The following EPB41 variants were observed in gnomAD, a reference collection of about 807,000 sequenced individuals.
EPB41 encodes the protein erythrocyte membrane protein band 4.1.
Under a neutral mutation model 108.0 loss-of-function variants are expected in EPB41, and 65 were observed. The observed-to-expected ratio is 0.60, with a 90% confidence interval of 0.49 to 0.74. The LOEUF is 0.74. Among genes scored for constraint, EPB41 ranks in the 30% least tolerant of loss-of-function variants. The pLI, the probability that EPB41 is intolerant of heterozygous loss-of-function variation, is 0.00. For synonymous variants in EPB41, 336 were observed against 358.9 expected, an observed-to-expected ratio of 0.94 and a Z score of 0.72; for missense variants, 875 against 1,037.0, an observed-to-expected ratio of 0.84 and a Z score of 2.15.
At chr1:28,954,182 T>C (rs2094853360) in intron 1 of EPB41, among the ~76,000 whole-genome samples, 2 of 152,228 alleles carry the variant, frequency 1.3e-5, no homozygotes, top group South Asian at 4.1e-4. Context: ...TCATTATTCA[T>C]TTCAAAATGT....
upstream of EPB41, chr1:28,911,244 CAT>C (rs1051572048): frequency 1.2e-5 from 10 of 867,050 alleles, no homozygotes; most frequent in African/African-American, 1.6e-4. Context: ...AAAAATTCCT[CAT>C]GTGTGGATAG....
At chr1:29,001,382 T>TAG (rs1156284432) in intron 4 of EPB41, among the ~76,000 whole-genome samples, 1 of 148,080 alleles carries the variant, frequency 6.8e-6, no homozygotes, top group African/African-American at 2.5e-5. Context: ...TGGATGGGTA[T>TAG]CACAGTCTGT....
Position 29,058,591 on chromosome 1 carries a change from G to A in EPB41, c.1848G>A (p.Val616=). ...AEPEPTEAWK[V]EKTHIEVTVP... is the part of the protein sequence containing the mutation. Reference sequence around the variant, plus strand: ...CTACTTTTATTTCTTAAATGTAGGTGGAAAAAACCCACATCGAGGTGACAG... The same window carrying A: ...CTACTTTTATTTCTTAAATGTAGGTAGAAAAAACCCACATCGAGGTGACAG... The change falls in exon 13 of 21, where the codon GTG becomes GTA. Residue 616 remains valine (V), a splice_region_variant and synonymous_variant. Transcript: ENST00000343067. The A allele has an allele frequency of 6.2e-7, 1 of 1,613,276 alleles. No homozygotes were observed. The highest frequency in any genetic ancestry group is 2.2e-5 in the East Asian group (1 of 44,846).
chr1:28,895,992 T>C (rs2090623945), intron 1 of EPB41, among the ~76,000 whole-genome samples: 1 of 152,140 alleles, frequency 6.6e-6, no homozygotes, highest in Non-Finnish European at 1.5e-5. Context: ...GAAAAGATAA[T>C]AGAAAACAGG....
chr1:28,938,234 TGGAAAA>T (rs2094128250), intron 1 of EPB41, among the ~76,000 whole-genome samples: 2 of 152,326 alleles, frequency 1.3e-5, no homozygotes, highest in South Asian at 4.1e-4. Flanking sequence ...TCCATTTTTG[TGGAAAA>T]GGTAGTTGGG....
At position 28,993,559 on chromosome 1, in the gene EPB41, T is replaced by G; in HGVS notation, c.681+17T>G. ...GTTGTGGAGGTGAGTATGTTTTCAT[T>G]TCCAACAATCAGAACTCTTACAGGT... On this transcript the variant is annotated intron_variant, in intron 3 of 20. Coordinates refer to ENST00000343067, the MANE Select transcript of EPB41 (RefSeq NM_001376013.1). 1 of 1,612,106 alleles carries G rather than the reference T, an allele frequency of 6.2e-7. No homozygotes were observed. Among genetic ancestry groups the G allele is most frequent in the Non-Finnish European group, 8.5e-7 (1 of 1,178,434 alleles).
intron 1 of EPB41, among the ~76,000 whole-genome samples, chr1:28,905,526 C>A (rs1477644863): frequency 1.3e-5 from 2 of 151,670 alleles, no homozygotes; most frequent in Admixed American, 1.3e-4. Context: ...AACCAGAAAG[C>A]TTGCTGTCTC....
intron 4 of EPB41, among the ~76,000 whole-genome samples, chr1:29,008,334 A>G (rs555705313): frequency 6.6e-6 from 1 of 152,306 alleles, no homozygotes; most frequent in Non-Finnish European, 1.5e-5. Context: ...TTTGATCAAT[A>G]TCAGTACCAT....
intron 10 of EPB41, among the ~76,000 whole-genome samples, chr1:29,037,572 A>G (rs1003174673): frequency 3.4e-5 from 5 of 148,140 alleles, no homozygotes; most frequent in South Asian, 2.1e-4. Flanking sequence ...AAAGTTGGCT[A>G]TTTATCAGTT....
rs751338504 is a variant in EPB41 at position 29,053,381 on chromosome 1, A to G, written c.1845+69A>G. 58 of 1,551,488 alleles carry G rather than the reference A, an allele frequency of 3.7e-5. 1 individual carries two copies. Among genetic ancestry groups the G allele is most frequent in the Non-Finnish European group, 5.1e-5 (57 of 1,128,412 alleles). ...TAGAGGCCTTAACTTTTTGACCAGGAACGTTTTCAAAGCAATTGCTTATTC... is the reference window on the plus strand; with the variant it reads ...TAGAGGCCTTAACTTTTTGACCAGGGACGTTTTCAAAGCAATTGCTTATTC... On this transcript the variant is annotated intron_variant, in intron 12 of 20. Transcript: ENST00000343067.
At position 28,948,176 on chromosome 1, in the gene EPB41, A is replaced by G. The variant is rs2094554837; in HGVS notation, c.-8+33408A>G. Among the ~76,000 whole-genome samples the G allele has an allele frequency of 2.6e-5, 4 of 152,254 alleles. No individual in the cohort carries two copies. In the Middle Eastern group the frequency reaches 0.01, roughly 388 times the overall value. On this transcript the variant is annotated intron_variant, in intron 1 of 20. Coordinates refer to ENST00000343067, the MANE Select transcript of EPB41 (RefSeq NM_001376013.1). ...AACAGTTCTTAGAAAGCTGCTTAGGATGGTACTGAATTTACTTGTGCTAAG... is the reference window on the plus strand; with the variant it reads ...AACAGTTCTTAGAAAGCTGCTTAGGGTGGTACTGAATTTACTTGTGCTAAG...
At chr1:28,894,170 A>G (rs1171264339) in intron 1 of EPB41, among the ~76,000 whole-genome samples, 1 of 152,184 alleles carries the variant, frequency 6.6e-6, no homozygotes, top group Admixed American at 6.5e-5. Flanking sequence ...ATGGGACACA[A>G]GTATATTTGT....
At chr1:28,971,183 T>TTC (rs2095487580) in intron 1 of EPB41, among the ~76,000 whole-genome samples, 2 of 125,042 alleles carry the variant, frequency 1.6e-5, no homozygotes, top group African/African-American at 6.5e-5. Flanking sequence ...TTTCTTTCTT[T>TTC]TTTTTTTTTT....
chr1:29,027,053 C>T (rs2150206509), intron 7 of EPB41, among the ~76,000 whole-genome samples: 1 of 150,800 alleles, frequency 6.6e-6, no homozygotes, highest in Non-Finnish European at 1.5e-5. Context: ...GATCATACCA[C>T]TGCACTCCAG....
chr1:28,904,668 C>T (rs1037533988), intron 1 of EPB41, among the ~76,000 whole-genome samples: 1 of 151,768 alleles, frequency 6.6e-6, no homozygotes, highest in African/African-American at 2.4e-5. Context: ...GAGGCGGAGG[C>T]GGGTGGATTA....
Position 29,053,161 on chromosome 1 carries a change from C to T in EPB41, c.1694C>T (p.Thr565Ile), listed in dbSNP as rs750130518. The change falls in exon 12 of 21, where the codon ACT (threonine) becomes ATT (isoleucine). Residue 565 changes from threonine to isoleucine, a missense_variant. Thr to Ile is a moderately conservative substitution (Grantham distance 89). Coordinates refer to ENST00000343067, the MANE Select transcript of EPB41 (RefSeq NM_001376013.1). ...CGGCCCACTTCTGCACCTGCCATTACTCAGGGTCAGGTTGCAGAAGGTGGC... is the reference window on the plus strand; with the variant it reads ...CGGCCCACTTCTGCACCTGCCATTATTCAGGGTCAGGTTGCAGAAGGTGGC... ...SPRPTSAPAI[T>I]QGQVAEGGVL... is the part of the protein sequence containing the mutation. 1.2e-6 allele frequency: 2 copies of T among 1,614,190 alleles called. No homozygotes were observed. The highest frequency in any genetic ancestry group is 1.7e-6 in the Non-Finnish European group (2 of 1,180,048).
chr1:28,997,768 A>C (rs1262137909), intron 4 of EPB41, among the ~76,000 whole-genome samples: 2 of 152,110 alleles, frequency 1.3e-5, no homozygotes, highest in Non-Finnish European at 2.9e-5. Flanking sequence ...ATTATGAAAC[A>C]GAATAAAATC....
At chr1:28,889,341 G>A (rs369151320) in intron 1 of EPB41, among the ~76,000 whole-genome samples, 39 of 152,356 alleles carry the variant, frequency 2.6e-4, no homozygotes, top group African/African-American at 9.4e-4. Flanking sequence ...TCAGCAACAT[G>A]GGGCATGGGT....
Position 29,065,094 on chromosome 1 carries a change from G to A in EPB41, c.2120G>A (p.Arg707His), listed in dbSNP as rs1330436509. ...PEPRPSEWDK[R>H]LSTHSPFRTL... Reference sequence around the variant, plus strand: ...CCACGGCCTAGTGAATGGGATAAACGCTTATCCACTCACTCACCCTTCCGA... The same window carrying A: ...CCACGGCCTAGTGAATGGGATAAACACTTATCCACTCACTCACCCTTCCGA... Residue 707 changes from arginine (R) to histidine (H), a missense_variant, in exon 16 of 21, where the codon CGC becomes CAC. By Grantham distance (29) the Arg-to-His change is conservative. Transcript: ENST00000343067. 5 of 1,613,958 alleles carry A rather than the reference G, an allele frequency of 3.1e-6. No homozygotes were observed. The highest frequency in any genetic ancestry group is 2.2e-5 in the East Asian group (1 of 44,896).
Sources: allele counts gnomAD v4.1 joint callset (sites outside exome capture counted in the v4.1 genomes callset), GRCh38; gene constraint gnomAD v4.1.1; transcripts MANE v1.5; gene names NCBI Gene and HGNC (gene_info 2026-07-23, HGNC 2026-07-21).